The following NPLOC4 variants were observed in gnomAD, a reference collection of about 807,000 sequenced individuals.
NPLOC4 encodes NPL4 homolog, ubiquitin recognition factor, also known as nuclear protein localization protein 4 homolog.
In NPLOC4, 18 loss-of-function variants were observed where a neutral mutation model predicts 80.6. That is an observed-to-expected ratio of 0.22 (90% CI 0.15 to 0.33). The LOEUF (loss-of-function observed/expected upper bound fraction) is 0.33. Ranked by LOEUF, NPLOC4 falls within the 10% of genes least tolerant of loss-of-function variation. NPLOC4 has a pLI of 1.00. For missense variants in NPLOC4, 540 were observed against 786.1 expected (o/e 0.69, Z 3.74); for synonymous variants, 313 against 301.5 (o/e 1.04, Z -0.39).
chr17:81,585,167 C>T (rs747976912), intron 12 of NPLOC4, among the ~76,000 whole-genome samples: 29 of 40,158 alleles, frequency 7.2e-4, no homozygotes, highest in Non-Finnish European at 1.3e-3. Context: ...GAGACTCTGT[C>T]GCCAAAAAAA....
chr17:81,603,013 ACATAT>A (rs2035108056), intron 8 of NPLOC4, among the ~76,000 whole-genome samples: 2 of 144,436 alleles, frequency 1.4e-5, no homozygotes, highest in Non-Finnish European at 3.1e-5. Flanking sequence ...ACACACACAC[ACATAT>A]AAAAGTCAGA....
rs77143985 is a variant in NPLOC4, at chr17:81,593,266, C to A, written c.1120+2850G>T. Among the ~76,000 whole-genome samples, 496 of 152,106 alleles carry A rather than the reference C, an allele frequency of 3.3e-3. 2 individuals are homozygous for A. Among genetic ancestry groups the A allele is most frequent in the African/African-American group, 0.011 (472 of 41,492 alleles). ...CAAGGGCACACTCTTCTGCTTGGAACTGGGTGGGGAGCTGCTGAGCCTCTC... is the reference window on the plus strand; with the variant it reads ...CAAGGGCACACTCTTCTGCTTGGAAATGGGTGGGGAGCTGCTGAGCCTCTC... On this transcript the variant is annotated intron_variant, in intron 11 of 16. Transcript: ENST00000331134.
At chr17:81,602,922 T>C (rs973065918) in intron 8 of NPLOC4, among the ~76,000 whole-genome samples, 2 of 137,078 alleles carry the variant, frequency 1.5e-5, no homozygotes, top group East Asian at 4.3e-4. Flanking sequence ...TATGTATATA[T>C]ACACACACAC....
In NPLOC4 at chr17:81,559,331, G is replaced by A. The variant is rs1055040024; in HGVS notation, c.1755C>T (p.Ala585=). 3 of 1,606,604 alleles carry A rather than the reference G, an allele frequency of 1.9e-6. No homozygotes were observed. Among genetic ancestry groups the A allele is most frequent in the African/African-American group, 2.7e-5 (2 of 74,856 alleles). The part of the protein sequence containing the change: ...STHTATAAMW[A]CQHCTFMNQP... ...GGTTCATGAACGTGCAGTGCTGACA[G>A]GCCCACATGGCTGCAGTGGCCGTGT... is the stretch of plus-strand genomic sequence containing the variant. The change falls in exon 17 of 17, where the codon GCC becomes GCT. Residue 585 remains alanine, a synonymous_variant. Transcript: ENST00000331134.
At chr17:81,579,629 T>C (rs2034386940) in intron 12 of NPLOC4, among the ~76,000 whole-genome samples, 1 of 152,078 alleles carries the variant, frequency 6.6e-6, no homozygotes, top group South Asian at 2.1e-4. Flanking sequence ...TGTACTGACC[T>C]GTCTCCAGAT....
chr17:81,620,542 G>A (rs1249663070), intron 3 of NPLOC4, among the ~76,000 whole-genome samples: 3 of 152,076 alleles, frequency 2.0e-5, no homozygotes, highest in South Asian at 2.1e-4. Flanking sequence ...ATTACTGTTA[G>A]GGAAGCTTCT....
chr17:81,578,870 A>T (rs1265939036), intron 12 of NPLOC4, among the ~76,000 whole-genome samples: 3 of 152,152 alleles, frequency 2.0e-5, no homozygotes, highest in Admixed American at 6.5e-5. Context: ...CCAATCTACA[A>T]TATTTAATTT....
intron 12 of NPLOC4, among the ~76,000 whole-genome samples, chr17:81,576,474 T>G (rs760924601): frequency 6.6e-6 from 1 of 152,136 alleles, no homozygotes. Flanking sequence ...CGTGAGTGCA[T>G]GTGGACTTGA....
chr17:81,629,665 A>G, intron 2 of NPLOC4, 60 bp downstream of exon 2: 2 of 1,216,834 alleles, frequency 1.6e-6, no homozygotes, highest in South Asian at 1.2e-5. Flanking sequence ...AAAGGTATCG[A>G]TGGCAGTAAG....
intron 1 of NPLOC4, among the ~76,000 whole-genome samples, chr17:81,631,957 AC>A (rs1180507384): frequency 6.7e-6 from 1 of 149,836 alleles, no homozygotes; most frequent in African/African-American, 2.5e-5. Context: ...CCACCACCAT[AC>A]CCAGCTAATT....
rs1009415305 is a variant in NPLOC4 at position 81,636,808 on chromosome 17, A to G, written c.15+108T>C. On this transcript the variant is annotated intron_variant, in intron 1 of 16. Transcript: ENST00000331134. Reference sequence around the variant, plus strand: ...GAGAAAGCCCTGGCGAGAGAAGAGAAAGGGGCCGAGTCGCGGCGCCGGCAG... The same window carrying G: ...GAGAAAGCCCTGGCGAGAGAAGAGAGAGGGGCCGAGTCGCGGCGCCGGCAG... 8.8e-5 allele frequency: 104 copies of G among 1,184,830 alleles called. No individual in the cohort carries two copies. In the East Asian group the frequency reaches 1.4e-3, roughly 16 times the overall value. 73.4% of individuals were successfully genotyped at this position (1,184,830 alleles called of 1,614,324 possible).
Position 81,597,276 on chromosome 17 carries a change from C to T in NPLOC4, c.962G>A (p.Arg321Gln), listed in dbSNP as rs1378278966. The change falls in exon 10 of 17, where the codon CGA becomes CAA. Residue 321 changes from arginine (R) to glutamine (Q), a missense_variant. Physicochemically the swap from Arg to Gln is conservative, Grantham distance 43 (BLOSUM62 1). Coordinates refer to ENST00000331134, the MANE Select transcript of NPLOC4 (RefSeq NM_017921.4). ...TCGACTGTAGCGGACGGTACCCTTT[C>T]GGGTATCTTCTGAGACGAGGTCTGT... The part of the protein sequence containing the change: ...IFTDLVSEDT[R>Q]KGTVRYSRNK... 4 of 1,613,556 alleles carry T rather than the reference C, an allele frequency of 2.5e-6. No individual in the cohort carries two copies. Among genetic ancestry groups the T allele is most frequent in the East Asian group, 2.2e-5 (1 of 44,870 alleles).
chr17:81,571,441 C>T (rs1046483644), intron 13 of NPLOC4, among the ~76,000 whole-genome samples: 48 of 152,196 alleles, frequency 3.2e-4, no homozygotes, highest in African/African-American at 1.1e-3. Flanking sequence ...GAGCCAGGGG[C>T]CTTTGTGGCT....
chr17:81,575,256 C>G (rs994662309), intron 12 of NPLOC4, among the ~76,000 whole-genome samples: 2 of 152,154 alleles, frequency 1.3e-5, no homozygotes, highest in Non-Finnish European at 2.9e-5. Context: ...CCCGCCACCA[C>G]GCCCGGCTAA....
chr17:81,601,038 G>A (rs1045202453), intron 8 of NPLOC4, among the ~76,000 whole-genome samples: 4 of 152,152 alleles, frequency 2.6e-5, no homozygotes, highest in South Asian at 4.2e-4. Flanking sequence ...CAGGGCAGTC[G>A]ATGAGTTGTA....
At chr17:81,593,229 T>C (rs1234897452) in intron 11 of NPLOC4, among the ~76,000 whole-genome samples, 2 of 151,836 alleles carry the variant, frequency 1.3e-5, no homozygotes, top group Admixed American at 6.6e-5. Context: ...ACTACAATAG[T>C]GTAAGCTGAG....
chr17:81,608,352 T>C (rs771178471), intron 6 of NPLOC4, among the ~76,000 whole-genome samples: 5 of 152,206 alleles, frequency 3.3e-5, no homozygotes, highest in Non-Finnish European at 7.3e-5. Context: ...AGCCTCTGTC[T>C]GATACTGCAC....
chr17:81,622,786 G>A (rs1046930758), intron 2 of NPLOC4, among the ~76,000 whole-genome samples: 4 of 152,030 alleles, frequency 2.6e-5, no homozygotes, highest in Non-Finnish European at 5.9e-5. Context: ...CCTGACCTCA[G>A]GTGATCCGCC....
intron 12 of NPLOC4, among the ~76,000 whole-genome samples, chr17:81,587,715 C>T (rs753845357): frequency 4.8e-5 from 7 of 147,356 alleles, no homozygotes; most frequent in Non-Finnish European, 1.0e-4. Flanking sequence ...GCTCTGTTCC[C>T]CAGGCTGGAG....
Sources: gnomAD v4.1 joint callset for allele counts (sites outside exome capture counted in the v4.1 genomes callset) on GRCh38, gnomAD v4.1.1 for gene constraint, MANE v1.5 for transcripts, NCBI Gene and HGNC (gene_info 2026-07-23, HGNC 2026-07-21) for gene names.